Variants in FUT9 observed in about 807,000 individuals in gnomAD.
FUT9 encodes the protein fucosyltransferase 9, also known as 4-galactosyl-N-acetylglucosaminide 3-alpha-L-fucosyltransferase 9.
In FUT9, 15 loss-of-function variants were observed where a neutral mutation model predicts 29.7. The observed-to-expected ratio is 0.51, with a 90% confidence interval of 0.34 to 0.78. The LOEUF (loss-of-function observed/expected upper bound fraction) is 0.78, where lower values mean the gene tolerates loss of function less well. Ranked by LOEUF, FUT9 falls within the 30% of genes least tolerant of loss-of-function variation. The probability of loss-of-function intolerance (pLI) is 0.01; values close to 1 mark genes in which losing one functional copy is unlikely to be tolerated. For synonymous variants in FUT9, 169 were observed against 153.7 expected (o/e 1.10, Z -0.74); for missense variants, 319 against 425.4 (o/e 0.75, Z 2.20).
chr6:96,113,871 A>T (rs934800231), intron 1 of FUT9, among the ~76,000 whole-genome samples, 168 bp from the exon 2 acceptor site: 12 of 138,898 alleles, frequency 8.6e-5, no homozygotes, highest in South Asian at 4.9e-4. Context: ...AAAAAAAAAA[A>T]TTTAACAGAA....
intron 2 of FUT9, among the ~76,000 whole-genome samples, chr6:96,193,529 C>G (rs1233615570): frequency 1.3e-5 from 2 of 151,612 alleles, no homozygotes; most frequent in Admixed American, 6.6e-5. Context: ...GTTAGAATGG[C>G]AATCATGAAA....
At chr6:96,180,154 G>C (rs1773278659) in intron 2 of FUT9, among the ~76,000 whole-genome samples, 1 of 152,106 alleles carries the variant, frequency 6.6e-6, no homozygotes, top group Non-Finnish European at 1.5e-5. Flanking sequence ...TACATCTTAA[G>C]TCATGCAAGT....
intron 1 of FUT9, among the ~76,000 whole-genome samples, chr6:96,102,992 A>G (rs912928468): frequency 6.6e-6 from 1 of 152,150 alleles, no homozygotes; most frequent in African/African-American, 2.4e-5. Flanking sequence ...GTACAAAGCC[A>G]AGAGAGTGGT....
At chr6:96,130,909 A>T (rs997341098) in intron 2 of FUT9, among the ~76,000 whole-genome samples, 1 of 152,152 alleles carries the variant, frequency 6.6e-6, no homozygotes, top group Non-Finnish European at 1.5e-5. Context: ...TATTTTAGAA[A>T]TTCTTCAAAA....
intron 1 of FUT9, among the ~76,000 whole-genome samples, chr6:96,113,528 T>G (rs778307080): frequency 7.3e-5 from 11 of 149,998 alleles, no homozygotes; most frequent in Non-Finnish European, 1.3e-4. Context: ...CATGAGACAT[T>G]GCGCCCGACC....
rs766915909 is a variant in FUT9 at position 96,099,695 on chromosome 6, G to T, written c.-97-14344G>T. On this transcript the variant is annotated intron_variant, in intron 1 of 2. Transcript: ENST00000302103. ...TATTAGTGTATTTAGAATATAAAATGTCATCATTTTATGCCTGCCTTTTGA... is the reference window on the plus strand; with the variant it reads ...TATTAGTGTATTTAGAATATAAAATTTCATCATTTTATGCCTGCCTTTTGA... Among the ~76,000 whole-genome samples the T allele has an allele frequency of 2.0e-4, 31 of 152,084 alleles. 1 individual carries two copies. Among genetic ancestry groups the T allele is most frequent in the South Asian group, 6.2e-4 (3 of 4,824 alleles).
At chr6:96,142,146 T>C (rs1323274316) in intron 2 of FUT9, among the ~76,000 whole-genome samples, 1 of 152,222 alleles carries the variant, frequency 6.6e-6, no homozygotes, top group African/African-American at 2.4e-5. Flanking sequence ...GAACAGGGTA[T>C]AGAAATATGG....
At chr6:96,157,194 T>C (rs1772801911) in intron 2 of FUT9, among the ~76,000 whole-genome samples, 1 of 152,224 alleles carries the variant, frequency 6.6e-6, no homozygotes, top group Admixed American at 6.5e-5. Context: ...GTCTATGTAA[T>C]ATGATCAGTA....
At chr6:96,062,686 A>G (rs1770896850) in intron 1 of FUT9, among the ~76,000 whole-genome samples, 2 of 152,182 alleles carry the variant, frequency 1.3e-5, no homozygotes, top group African/African-American at 4.8e-5. Context: ...GTGAAATTTC[A>G]GAAGATTTTT....
intron 1 of FUT9, among the ~76,000 whole-genome samples, chr6:96,051,021 T>TGA (rs1388331932): frequency 6.6e-6 from 1 of 151,668 alleles, no homozygotes; most frequent in Non-Finnish European, 1.5e-5. Context: ...TCTGTGTGTG[T>TGA]GTGTGTGTGT....
At chr6:96,195,548 T>C (rs192343853) in intron 2 of FUT9, among the ~76,000 whole-genome samples, 1 of 152,206 alleles carries the variant, frequency 6.6e-6, no homozygotes, top group Non-Finnish European at 1.5e-5. Context: ...TTGTGGGAAC[T>C]TAGAGGAGGA....
At position 96,193,113 on chromosome 6, in the gene FUT9, T is replaced by C. The variant is rs1396224672; in HGVS notation, c.-8-10035T>C. On this transcript the variant is annotated intron_variant, in intron 2 of 2. Transcript: ENST00000302103. Reference sequence around the variant, plus strand: ...ACCATAAAAACCCTAGAAGAAAACCTAGACAATACCATTCAGGACATAGGC... The same window carrying C: ...ACCATAAAAACCCTAGAAGAAAACCCAGACAATACCATTCAGGACATAGGC... Among the ~76,000 whole-genome samples, 3 of 149,750 alleles carry C rather than the reference T, an allele frequency of 2.0e-5. No individual in the cohort carries two copies. The South Asian group carries it at 6.5e-4, about 33-fold the overall frequency.
intron 2 of FUT9, among the ~76,000 whole-genome samples, chr6:96,200,921 T>C (rs1026216696): frequency 2.0e-5 from 3 of 152,036 alleles, no homozygotes; most frequent in Admixed American, 2.0e-4. Flanking sequence ...CTATTTCTAA[T>C]ATTTATTATT....
chr6:96,093,230 C>T (rs1034003215), intron 1 of FUT9, among the ~76,000 whole-genome samples: 1 of 152,124 alleles, frequency 6.6e-6, no homozygotes, highest in South Asian at 2.1e-4. Flanking sequence ...TTGCACAGTT[C>T]TTGACACATT....
At chr6:96,117,732 C>T (rs1374290898) in intron 2 of FUT9, among the ~76,000 whole-genome samples, 1 of 152,178 alleles carries the variant, frequency 6.6e-6, no homozygotes, top group Non-Finnish European at 1.5e-5. Context: ...ATCAAGAAGT[C>T]TACACGATAT....
intron 1 of FUT9, among the ~76,000 whole-genome samples, chr6:96,102,238 A>T (rs1199808483): frequency 2.0e-5 from 3 of 152,132 alleles, no homozygotes; most frequent in Admixed American, 2.0e-4. Context: ...AGGTATTTAA[A>T]AGATGGCATA....
intron 2 of FUT9, among the ~76,000 whole-genome samples, chr6:96,159,495 A>G (rs572956779): frequency 6.6e-6 from 1 of 152,188 alleles, no homozygotes; most frequent in Non-Finnish European, 1.5e-5. Context: ...GTAGACCTAG[A>G]TGTCTGTAAA....
rs191155785 is a variant in FUT9, at chr6:96,185,341, T to C, written c.-8-17807T>C. Reference sequence around the variant, plus strand: ...GAGAGAGGGAATGAGATTTAATAAATATCACAGCATTTCAATGGACTCAAT... The same window carrying C: ...GAGAGAGGGAATGAGATTTAATAAACATCACAGCATTTCAATGGACTCAAT... On this transcript the variant is annotated intron_variant, in intron 2 of 2. Transcript: ENST00000302103. 4.6e-5 allele frequency among the ~76,000 whole-genome samples: 7 copies of C among 152,178 alleles called. No homozygotes were observed. The East Asian group carries it at 1.4e-3, about 29-fold the overall frequency.
chr6:96,036,440 G>C (rs1217232284), intron 1 of FUT9, among the ~76,000 whole-genome samples: 1 of 151,806 alleles, frequency 6.6e-6, no homozygotes, highest in African/African-American at 2.4e-5. Context: ...TGATGGTGCA[G>C]ATGATTATTA....
Sources: gnomAD v4.1 joint callset for allele counts (sites outside exome capture counted in the v4.1 genomes callset) on GRCh38, gnomAD v4.1.1 for gene constraint, MANE v1.5 for transcripts, NCBI Gene and HGNC (gene_info 2026-07-23, HGNC 2026-07-21) for gene names.